MAP3K20: variants seen among roughly 807,000 people sequenced by gnomAD.
MAP3K20 encodes mitogen-activated protein kinase kinase kinase 20.
In MAP3K20, 40 loss-of-function variants were observed where a neutral mutation model predicts 85.7. The observed-to-expected ratio is 0.47, with a 90% CI of 0.36 to 0.61. MAP3K20 has a LOEUF of 0.61. Ranked by LOEUF, MAP3K20 falls within the 20% of genes least tolerant of loss-of-function variation. The pLI is 0.00. For synonymous variants in MAP3K20, 325 were observed against 327.7 expected (o/e 0.99, Z 0.09); for missense variants, 817 against 961.7 (o/e 0.85, Z 1.99).
intron 12 of MAP3K20, among the ~76,000 whole-genome samples, chr2:173,230,886 C>T (rs1333159681): frequency 6.6e-6 from 1 of 152,078 alleles, no homozygotes; most frequent in Non-Finnish European, 1.5e-5. Context: ...ATCCCAGCTA[C>T]TTGGGAGACT....
At chr2:173,146,271 T>C (rs1689134188) in intron 2 of MAP3K20, among the ~76,000 whole-genome samples, 1 of 152,070 alleles carries the variant, frequency 6.6e-6, no homozygotes, top group Non-Finnish European at 1.5e-5. Context: ...CAGTCAAGTC[T>C]GTTGCCTTTT....
chr2:173,231,481 A>T (rs1684522309), intron 12 of MAP3K20, among the ~76,000 whole-genome samples: 1 of 152,232 alleles, frequency 6.6e-6, no homozygotes, highest in East Asian at 1.9e-4. Context: ...CTGTCATTTG[A>T]AAAGAAATTT....
chr2:173,095,374 C>A (rs1180700277), intron 2 of MAP3K20, among the ~76,000 whole-genome samples: 1 of 151,802 alleles, frequency 6.6e-6, no homozygotes, highest in Non-Finnish European at 1.5e-5. Flanking sequence ...ATTTAGGAAC[C>A]AAGATTTGGG....
rs1369928920 is a variant in MAP3K20, at chr2:173,169,729, T to A, written c.160-76T>A. On this transcript the variant is annotated intron_variant, in intron 2 of 19. Coordinates refer to ENST00000375213, the MANE Select transcript of MAP3K20 (RefSeq NM_016653.3). ...AGCAAGACCCTAACTCAAAAAAAAA[T>A]GAGTAGGAAGCCTGTTTTATTTGAC... 2.8e-6 allele frequency: 4 copies of A among 1,438,712 alleles called. No homozygotes were observed. In the African/African-American group the frequency reaches 4.3e-5, roughly 15 times the overall value. 89.1% of individuals were successfully genotyped at this position (1,438,712 alleles called of 1,614,324 possible). A position where few individuals can be genotyped will look rare whatever the true frequency, so the allele number is the denominator to read the frequency against.
At chr2:173,216,198 A>G (rs1684066747) in intron 10 of MAP3K20, among the ~76,000 whole-genome samples, 1 of 152,230 alleles carries the variant, frequency 6.6e-6, no homozygotes, top group Non-Finnish European at 1.5e-5. Flanking sequence ...TAAAGGAGAA[A>G]AACATTTGTG....
chr2:173,176,754 A>C (rs1690172017), intron 3 of MAP3K20, among the ~76,000 whole-genome samples: 1 of 152,212 alleles, frequency 6.6e-6, no homozygotes, highest in African/African-American at 2.4e-5. Flanking sequence ...AGAGATTGTC[A>C]GATCAGATTA....
chr2:173,107,489 T>C (rs1170472245), intron 2 of MAP3K20, among the ~76,000 whole-genome samples: 1 of 152,150 alleles, frequency 6.6e-6, no homozygotes, highest in East Asian at 1.9e-4. Context: ...TGCACAGGGA[T>C]AAGGGCACCC....
chr2:173,087,652 A>G (rs1687179237), intron 1 of MAP3K20, among the ~76,000 whole-genome samples: 1 of 152,214 alleles, frequency 6.6e-6, no homozygotes, highest in Non-Finnish European at 1.5e-5. Context: ...AAAATGGTTA[A>G]TAATCAGTAA....
chr2:173,187,747 T>C (rs1319004756), intron 5 of MAP3K20, 124 bp downstream of exon 5: 10 of 725,412 alleles, frequency 1.4e-5, no homozygotes, highest in Non-Finnish European at 1.9e-5. Flanking sequence ...GCTGATACCA[T>C]GGAAGCCTTT....
chr2:173,120,872 TA>T (rs1235769175), intron 2 of MAP3K20, among the ~76,000 whole-genome samples: 2 of 151,838 alleles, frequency 1.3e-5, no homozygotes, highest in African/African-American at 2.4e-5. Context: ...CATGGCCGGC[TA>T]AATTTTTTTG....
At chr2:173,245,830 G>T (rs1480384465) in intron 16 of MAP3K20, among the ~76,000 whole-genome samples, 1 of 152,158 alleles carries the variant, frequency 6.6e-6, no homozygotes, top group African/African-American at 2.4e-5. Flanking sequence ...TACTTGGGAG[G>T]CTGGGGCAGA....
intron 2 of MAP3K20, among the ~76,000 whole-genome samples, chr2:173,155,099 G>A (rs902225315): frequency 6.6e-6 from 1 of 152,104 alleles, no homozygotes; most frequent in African/African-American, 2.4e-5. Flanking sequence ...TTGATGGAGA[G>A]CGATATCCTG....
At chr2:173,100,155 G>T (rs912384906) in intron 2 of MAP3K20, among the ~76,000 whole-genome samples, 10 of 152,218 alleles carry the variant, frequency 6.6e-5, no homozygotes, top group Non-Finnish European at 1.3e-4. Flanking sequence ...TGGTGCATTT[G>T]ATGTCCTGTT....
intron 11 of MAP3K20, chr2:173,227,181 C>T (rs1684412775): frequency 2.1e-6 from 2 of 968,158 alleles, no homozygotes; most frequent in African/African-American, 1.8e-5. Flanking sequence ...ATATAAGATC[C>T]CTGTTAGATT....
intron 2 of MAP3K20, among the ~76,000 whole-genome samples, chr2:173,144,393 G>T (rs1390643159): frequency 6.7e-6 from 1 of 149,960 alleles, no homozygotes; most frequent in East Asian, 2.1e-4. Context: ...AACCTGGGAG[G>T]CGGAGCTTGC....
intron 16 of MAP3K20, among the ~76,000 whole-genome samples, chr2:173,249,517 C>T (rs533284505): frequency 6.6e-6 from 1 of 152,252 alleles, no homozygotes; most frequent in South Asian, 2.1e-4. Flanking sequence ...CTTCGAGTCA[C>T]CCCTAAAGTC....
chr2:173,241,970 G>A (rs947113843), intron 16 of MAP3K20, among the ~76,000 whole-genome samples: 3 of 152,186 alleles, frequency 2.0e-5, no homozygotes, highest in African/African-American at 7.2e-5. Flanking sequence ...TTCTAACCCT[G>A]AGATTCTGCA....
chr2:173,125,940 G>C (rs1688431021), intron 2 of MAP3K20, among the ~76,000 whole-genome samples: 1 of 152,136 alleles, frequency 6.6e-6, no homozygotes, highest in Non-Finnish European at 1.5e-5. Flanking sequence ...GGGATTACAG[G>C]TGTGAACCAC....
intron 2 of MAP3K20, among the ~76,000 whole-genome samples, chr2:173,151,895 G>A (rs1689318602): frequency 6.6e-6 from 1 of 152,182 alleles, no homozygotes; most frequent in Non-Finnish European, 1.5e-5. Context: ...CTATTGTAAT[G>A]TATGAGTCAG....
Sources: gnomAD v4.1 joint callset for allele counts (sites outside exome capture counted in the v4.1 genomes callset) on GRCh38, gnomAD v4.1.1 for gene constraint, MANE v1.5 for transcripts, NCBI Gene and HGNC (gene_info 2026-07-23, HGNC 2026-07-21) for gene names.